The following CHST10 variants were observed in gnomAD, a reference collection of about 807,000 sequenced individuals.
CHST10 encodes the protein HNK-1 sulfotransferase.
Under a neutral mutation model 34.7 loss-of-function variants are expected in CHST10, and 24 were observed. That is an observed-to-expected ratio of 0.69 (90% CI 0.50 to 0.97). CHST10 has a LOEUF of 0.97. Among genes scored for constraint, CHST10 ranks in the 50% least tolerant of loss-of-function variants. The pLI, the probability that CHST10 is intolerant of heterozygous loss-of-function variation, is 0.00. For synonymous variants in CHST10, 161 were observed against 169.3 expected, an observed-to-expected ratio of 0.95 and a Z score of 0.38; for missense variants, 402 against 452.1, an observed-to-expected ratio of 0.89 and a Z score of 1.00.
In CHST10 at chr2:100,413,036, T is replaced by C. The variant is rs578041390; in HGVS notation, c.-33+2005A>G. Among the ~76,000 whole-genome samples, 8 of 152,322 alleles carry C rather than the reference T, an allele frequency of 5.3e-5. No individual in the cohort carries two copies. In the South Asian group the frequency reaches 1.7e-3, roughly 32 times the overall value. On this transcript the variant is annotated intron_variant, in intron 2 of 6. Coordinates refer to ENST00000264249, the MANE Select transcript of CHST10 (RefSeq NM_004854.5). ...TTTCCTTGAATACAGAATTTCACCATGGGGTTTGCCTCCTATCTGAGGATG... is the reference window on the plus strand; with the variant it reads ...TTTCCTTGAATACAGAATTTCACCACGGGGTTTGCCTCCTATCTGAGGATG...
In CHST10 at chr2:100,406,571, C is replaced by T. The variant is rs781768293; in HGVS notation, c.100+5G>A. On this transcript the variant is annotated splice_donor_5th_base_variant and intron_variant, in intron 3 of 6. Coordinates refer to ENST00000264249, the MANE Select transcript of CHST10 (RefSeq NM_004854.5). ...AAAATTCGTTCCACCATGAAGCATACGTACCATCTGGGTCTTTAAAGGTCA... is the reference window on the plus strand; with the variant it reads ...AAAATTCGTTCCACCATGAAGCATATGTACCATCTGGGTCTTTAAAGGTCA... 3.7e-6 allele frequency: 6 copies of T among 1,614,094 alleles called. No homozygotes were observed. The highest frequency in any genetic ancestry group is 1.1e-5 in the South Asian group (1 of 91,062).
At chr2:100,406,442 A>G (rs1675576601) in intron 3 of CHST10, 134 bp downstream of exon 3, 12 of 1,094,734 alleles carry the variant, frequency 1.1e-5, no homozygotes, top group Admixed American at 6.8e-5. Context: ...AACGGAGGCC[A>G]TGACCTCCAA....
chr2:100,407,505 G>A (rs1390563428), intron 2 of CHST10, among the ~76,000 whole-genome samples: 1 of 152,206 alleles, frequency 6.6e-6, no homozygotes. Context: ...ACCCTGGGCT[G>A]AGCTGGCTTC....
At chr2:100,409,180 G>A (rs147780545) in intron 2 of CHST10, among the ~76,000 whole-genome samples, 1 of 152,134 alleles carries the variant, frequency 6.6e-6, no homozygotes, top group African/African-American at 2.4e-5. Flanking sequence ...GATCACCCTC[G>A]CCCGGCCTCA....
chr2:100,404,161 C>T (rs749187361), intron 3 of CHST10, among the ~76,000 whole-genome samples: 8 of 152,218 alleles, frequency 5.3e-5, no homozygotes, highest in Non-Finnish European at 8.8e-5. Context: ...ACATCTCACG[C>T]GAGTGAGGCA....
At chr2:100,399,239 G>T (rs1311105570) in intron 4 of CHST10, among the ~76,000 whole-genome samples, 2 of 152,124 alleles carry the variant, frequency 1.3e-5, no homozygotes, top group African/African-American at 4.8e-5. Flanking sequence ...GAGTAGCTGG[G>T]ACTATAGGTG....
intron 5 of CHST10, among the ~76,000 whole-genome samples, chr2:100,397,137 G>A (rs933329499): frequency 6.6e-6 from 1 of 152,192 alleles, no homozygotes; most frequent in Non-Finnish European, 1.5e-5. Context: ...TCTGACCCAG[G>A]AGTCCCACTG....
chr2:100,399,437 CA>C (rs2104334110), intron 4 of CHST10, among the ~76,000 whole-genome samples: 1 of 152,302 alleles, frequency 6.6e-6, no homozygotes, highest in African/African-American at 2.4e-5. Flanking sequence ...CAGAACTTCC[CA>C]AAATTTCAAA....
chr2:100,401,493 A>T (rs1180349869), intron 4 of CHST10, among the ~76,000 whole-genome samples: 3 of 152,136 alleles, frequency 2.0e-5, no homozygotes, highest in Admixed American at 6.5e-5. Context: ...TCCTTGAGGG[A>T]ACCTTGTTGC....
rs757791290 is a variant in CHST10 at position 100,406,567 on chromosome 2, C to T, written c.100+9G>A. ...AGCCAAAATTCGTTCCACCATGAAG[C>T]ATACGTACCATCTGGGTCTTTAAAG... On this transcript the variant is annotated intron_variant, in intron 3 of 6. Coordinates refer to ENST00000264249, the MANE Select transcript of CHST10 (RefSeq NM_004854.5). 2 of 1,614,084 alleles carry T rather than the reference C, an allele frequency of 1.2e-6. No individual in the cohort carries two copies. The highest frequency in any genetic ancestry group is 1.7e-6 in the Non-Finnish European group (2 of 1,179,988).
chr2:100,410,907 C>T (rs950843622), intron 2 of CHST10, among the ~76,000 whole-genome samples: 1 of 151,800 alleles, frequency 6.6e-6, no homozygotes, highest in Admixed American at 6.6e-5. Flanking sequence ...TCAAGATATA[C>T]CAGTAAACAA....
intron 1 of CHST10, chr2:100,416,083 C>T (rs79659136): frequency 1.3e-5 from 2 of 152,306 alleles, no homozygotes; most frequent in East Asian, 3.9e-4. Flanking sequence ...TTGTTAGAAA[C>T]ATCATGTACG....
At chr2:100,415,802 T>G (rs1446740717) in intron 1 of CHST10, 1 of 152,274 alleles carries the variant, frequency 6.6e-6, no homozygotes, top group Non-Finnish European at 1.5e-5. Context: ...TTAGGCGATG[T>G]TCTTCTGCAA....
chr2:100,399,350 C>A (rs1675229875), intron 4 of CHST10, among the ~76,000 whole-genome samples: 1 of 152,200 alleles, frequency 6.6e-6, no homozygotes, highest in Non-Finnish European at 1.5e-5. Flanking sequence ...TTGTGATCCG[C>A]CACCTCGGCC....
Position 100,402,630 on chromosome 2 carries a change from C to T in CHST10, c.126G>A (p.Leu42=), listed in dbSNP as rs1675396107. 6.2e-7 allele frequency: 1 copy of T among 1,613,992 alleles called. No homozygotes were observed. The change falls in exon 4 of 7, where the codon CTG becomes CTA. Residue 42 remains leucine, a synonymous_variant. Coordinates refer to ENST00000264249, the MANE Select transcript of CHST10 (RefSeq NM_004854.5). ...TCACTTCCGGCATGGTTGTCAGGAACAGAAACTCCTGTTTGGCACTGTACA... is the reference window on the plus strand; with the variant it reads ...TCACTTCCGGCATGGTTGTCAGGAATAGAAACTCCTGTTTGGCACTGTACA... ...PDVYSAKQEF[L]FLTTMPEVRK...
chr2:100,401,193 T>C (rs1174347310), intron 4 of CHST10, among the ~76,000 whole-genome samples: 1 of 152,076 alleles, frequency 6.6e-6, no homozygotes, highest in African/African-American at 2.4e-5. Flanking sequence ...GGACACTGAG[T>C]TCAAAGCCCA....
chr2:100,394,434 T>C (rs1013459755), intron 6 of CHST10, among the ~76,000 whole-genome samples: 1 of 152,194 alleles, frequency 6.6e-6, no homozygotes, highest in African/African-American at 2.4e-5. Flanking sequence ...CTCTGTGCTT[T>C]GCCGTGTCTT....
At chr2:100,405,079 C>A (rs1180305941) in intron 3 of CHST10, among the ~76,000 whole-genome samples, 1 of 152,232 alleles carries the variant, frequency 6.6e-6, no homozygotes, top group East Asian at 1.9e-4. Context: ...GGCTCTAGGG[C>A]TTCAGGAGGG....
At chr2:100,397,751 C>T (rs1675127247) in intron 5 of CHST10, among the ~76,000 whole-genome samples, 157 bp downstream of exon 5, 1 of 152,188 alleles carries the variant, frequency 6.6e-6, no homozygotes, top group Admixed American at 6.5e-5. Flanking sequence ...AGGCACAACA[C>T]TAACAGGAAA....
Sources: gnomAD v4.1 joint callset for allele counts (sites outside exome capture counted in the v4.1 genomes callset) on GRCh38, gnomAD v4.1.1 for gene constraint, MANE v1.5 for transcripts, NCBI Gene and HGNC (gene_info 2026-07-23, HGNC 2026-07-21) for gene names.